SH3GLB1: variants seen among roughly 807,000 people sequenced by gnomAD.
The protein encoded by SH3GLB1 is endophilin-B1.
SH3GLB1 carries 17 observed loss-of-function variants against 42.0 expected under a neutral mutation model. The observed-to-expected ratio is 0.40, with a 90% CI of 0.28 to 0.61. SH3GLB1 has a LOEUF of 0.61. Ranked by LOEUF, SH3GLB1 falls within the 20% of genes least tolerant of loss-of-function variation. The probability of loss-of-function intolerance (pLI) is 0.36; values close to 1 mark genes in which losing one functional copy is unlikely to be tolerated. For synonymous variants in SH3GLB1, 132 were observed against 146.6 expected, an observed-to-expected ratio of 0.90 and a Z score of 0.72; for missense variants, 355 against 426.3, an observed-to-expected ratio of 0.83 and a Z score of 1.47.
In SH3GLB1 at chr1:86,704,819, TAGCCCTGCGCCCC is replaced by T; in HGVS notation, c.-75_-63del. On this transcript the variant is annotated 5_prime_UTR_variant, in exon 1 of 9. Coordinates refer to ENST00000370558, the MANE Select transcript of SH3GLB1 (RefSeq NM_016009.5). ...CCTACCACGTCTGCCCTCGCCGCTC[TAGCCCTGCGCCCC>T]AGCCCGGCCGCGGCACCTCCGCCTC... 2.2e-6 allele frequency: 2 copies of T among 910,118 alleles called. No individual in the cohort carries two copies. The highest frequency in any genetic ancestry group is 3.3e-6 in the Non-Finnish European group (2 of 605,586). The allele number at this position is 910,118 out of a possible 1,614,324, so 56.4% of individuals were successfully genotyped here.
At chr1:86,739,387 CAT>C (rs1236717803) in intron 7 of SH3GLB1, among the ~76,000 whole-genome samples, 2 of 152,112 alleles carry the variant, frequency 1.3e-5, no homozygotes, top group Non-Finnish European at 2.9e-5. Context: ...GTCAAGTGAA[CAT>C]GTGTGAAAGT....
rs1655690029 is a variant in SH3GLB1 at position 86,734,654 on chromosome 1, T to C, written c.623T>C (p.Ile208Thr). The change falls in exon 6 of 9, where the codon ATT becomes ACT. Residue 208 changes from isoleucine (I) to threonine (T), a missense_variant. Coordinates refer to ENST00000370558, the MANE Select transcript of SH3GLB1 (RefSeq NM_016009.5). ...TQSEFDRQAE[I>T]TRLLLEGISS... is the part of the protein sequence containing the mutation. ...AGTGAATTTGATCGTCAAGCAGAGA[T>C]TACCAGACTTCTGCTAGAGGGAATC... 1 of 1,613,298 alleles carries C rather than the reference T, an allele frequency of 6.2e-7. No individual in the cohort carries two copies. Among genetic ancestry groups the C allele is most frequent in the Non-Finnish European group, 8.5e-7 (1 of 1,179,424 alleles).
intron 5 of SH3GLB1, among the ~76,000 whole-genome samples, chr1:86,726,813 TC>T (rs544109033): frequency 7.9e-4 from 120 of 152,000 alleles, no homozygotes; most frequent in African/African-American, 2.7e-3. Flanking sequence ...ATCCTTTTTT[TC>T]CCCCCTGTAT....
At chr1:86,725,942 T>A (rs2101955903) in intron 5 of SH3GLB1, among the ~76,000 whole-genome samples, 1 of 152,264 alleles carries the variant, frequency 6.6e-6, no homozygotes, top group East Asian at 1.9e-4. Flanking sequence ...TATCATTACA[T>A]CATTATCACA....
At chr1:86,724,201 G>A in intron 4 of SH3GLB1, 112 bp from the exon 5 acceptor site, 1 of 681,370 alleles carries the variant, frequency 1.5e-6, no homozygotes, top group Non-Finnish European at 2.3e-6. Context: ...TGTAGTCATA[G>A]ATCTTTATCA....
At chr1:86,723,198 T>C (rs263463) in intron 4 of SH3GLB1, among the ~76,000 whole-genome samples, 50,294 of 152,070 alleles carry the variant, frequency 0.33, 10,953 homozygotes, top group African/African-American at 0.63. Flanking sequence ...AGAAGAACTA[T>C]CAAGTTAAAG....
At chr1:86,718,152 G>A (rs1204092950) in intron 2 of SH3GLB1, among the ~76,000 whole-genome samples, 2 of 151,196 alleles carry the variant, frequency 1.3e-5, no homozygotes, top group African/African-American at 4.9e-5. Flanking sequence ...TGATTGTCCT[G>A]CCTCAGCTTC....
intron 2 of SH3GLB1, among the ~76,000 whole-genome samples, chr1:86,718,234 C>T (rs1291727892): frequency 4.6e-5 from 7 of 151,524 alleles, no homozygotes; most frequent in South Asian, 2.1e-4. Context: ...TTAGTAGAGA[C>T]GGGGTTTCAC....
chr1:86,722,715 G>GAT (rs755460901), intron 4 of SH3GLB1, 42 bp downstream of exon 4: 22 of 1,504,676 alleles, frequency 1.5e-5, no homozygotes, highest in Non-Finnish European at 2.0e-5. Context: ...AAATCATTTA[G>GAT]ATATATATAC....
chr1:86,737,864 G>C (rs944322195), intron 7 of SH3GLB1, among the ~76,000 whole-genome samples: 1 of 152,210 alleles, frequency 6.6e-6, no homozygotes, highest in Non-Finnish European at 1.5e-5. Context: ...GCTCCAGGTA[G>C]AGGGTGCAGC....
intron 2 of SH3GLB1, among the ~76,000 whole-genome samples, chr1:86,716,371 T>A (rs1439253314): frequency 6.6e-6 from 1 of 152,124 alleles, no homozygotes; most frequent in African/African-American, 2.4e-5. Flanking sequence ...ACCTCCCAGG[T>A]TGAAGCAATT....
intron 5 of SH3GLB1, among the ~76,000 whole-genome samples, chr1:86,727,427 A>C (rs1655257716): frequency 6.6e-6 from 1 of 152,016 alleles, no homozygotes; most frequent in Non-Finnish European, 1.5e-5. Context: ...TACAGGTTGA[A>C]TATCCCAAAT....
intron 5 of SH3GLB1, among the ~76,000 whole-genome samples, chr1:86,728,159 A>AT (rs1275129431): frequency 6.6e-6 from 1 of 152,032 alleles, no homozygotes; most frequent in Non-Finnish European, 1.5e-5. Context: ...TCCCTAAATG[A>AT]TTCTCATTTA....
At position 86,722,565 on chromosome 1, in the gene SH3GLB1, A is replaced by C. The variant is rs766272139; in HGVS notation, c.369A>C (p.Glu123Asp). The C allele has an allele frequency of 6.3e-7, 1 of 1,599,702 alleles. No individual in the cohort carries two copies. Among genetic ancestry groups the C allele is most frequent in the East Asian group, 2.3e-5 (1 of 44,334 alleles). Reference protein sequence around the residue: ...AYGNALIKCGETQKRIGTADR... With the variant: ...AYGNALIKCGDTQKRIGTADR... ...GTAATGCCCTTATTAAATGTGGAGA[A>C]ACCCAAAAAAGAATTGGAACAGCAG... Residue 123 changes from glutamate to aspartate, a missense_variant, in exon 4 of 9, where the codon GAA (glutamate) becomes GAC (aspartate). By Grantham distance (45) the Glu-to-Asp change is conservative (BLOSUM62 2). Coordinates refer to ENST00000370558, the MANE Select transcript of SH3GLB1 (RefSeq NM_016009.5).
intron 8 of SH3GLB1, 113 bp from the exon 9 acceptor site, chr1:86,743,012 TAAC>T: frequency 3.8e-6 from 3 of 785,654 alleles, no homozygotes; most frequent in Non-Finnish European, 6.2e-6. Flanking sequence ...CAATTGATAA[TAAC>T]GTTTAAAGTC....
chr1:86,724,882 A>ATATATATATATAT (rs1429770726), intron 5 of SH3GLB1, among the ~76,000 whole-genome samples: 6 of 106,042 alleles, frequency 5.7e-5, no homozygotes, highest in African/African-American at 2.4e-4. Flanking sequence ...TTTAAAAAAA[A>ATATATATATATAT]AAAAAAAAAA....
In SH3GLB1 at chr1:86,743,952, CAT is replaced by C. The variant is rs1436411910; in HGVS notation, c.*719_*720del. 3 of 152,512 alleles carry C rather than the reference CAT, an allele frequency of 2.0e-5. No homozygotes were observed. Among genetic ancestry groups the C allele is most frequent in the East Asian group, 1.9e-4 (1 of 5,194 alleles). The allele number at this position is 152,512 out of a possible 1,614,324, so 9.4% of individuals were successfully genotyped here. A position where few individuals can be genotyped will look rare whatever the true frequency, so the allele number is the denominator to read the frequency against. On this transcript the variant is annotated 3_prime_UTR_variant, in exon 9 of 9. Coordinates refer to ENST00000370558, the MANE Select transcript of SH3GLB1 (RefSeq NM_016009.5). The stretch of plus-strand genomic sequence containing the variant: ...TCTAGGACAAATTTACTTCATTAAA[CAT>C]AAAGTTTTTAAGATTATTCAGTTGG...
chr1:86,712,551 G>T (rs1179449612), intron 1 of SH3GLB1, among the ~76,000 whole-genome samples: 1 of 152,108 alleles, frequency 6.6e-6, no homozygotes, highest in East Asian at 1.9e-4. Context: ...AGTATTTGTT[G>T]TAGAATGCAC....
intron 5 of SH3GLB1, chr1:86,734,367 T>G (rs1425607777): frequency 9.9e-6 from 4 of 403,492 alleles, no homozygotes; most frequent in Non-Finnish European, 1.8e-5. Flanking sequence ...TCATTAAGCT[T>G]TAGCGTAACA....
Sources: gnomAD v4.1 joint callset for allele counts (sites outside exome capture counted in the v4.1 genomes callset) on GRCh38, gnomAD v4.1.1 for gene constraint, MANE v1.5 for transcripts, NCBI Gene and HGNC (gene_info 2026-07-23, HGNC 2026-07-21) for gene names.